SEMA3A: variants seen among roughly 807,000 people sequenced by gnomAD.
SEMA3A encodes semaphorin-3A.
SEMA3A carries 29 observed loss-of-function variants against 97.9 expected under a neutral mutation model. That is an observed-to-expected ratio of 0.30 (90% confidence interval 0.22 to 0.40). The LOEUF (loss-of-function observed/expected upper bound fraction) is 0.40. Among genes scored for constraint, SEMA3A ranks in the 10% least tolerant of loss-of-function variants. SEMA3A has a pLI of 1.00. For missense variants in SEMA3A, 763 were observed against 951.3 expected (o/e 0.80, Z 2.60); for synonymous variants, 321 against 323.7 (o/e 0.99, Z 0.09).
At chr7:84,000,038 A>ATTTAATACATGTTGG (rs1262273618) in intron 12 of SEMA3A, among the ~76,000 whole-genome samples, 9 of 152,076 alleles carry the variant, frequency 5.9e-5, no homozygotes. Context: ...TCATTCACTC[A>ATTTAATACATGTTGG]TTTAATACAT....
intron 4 of SEMA3A, among the ~76,000 whole-genome samples, chr7:84,077,901 T>G (rs3801610): frequency 0.13 from 19,172 of 151,858 alleles, 1,278 homozygotes; most frequent in South Asian, 0.15. Flanking sequence ...ACTGAAAAAT[T>G]TTAATGCCAG....
chr7:84,491,348 A>C (rs1806725318), intron 1 of SEMA3A, among the ~76,000 whole-genome samples: 1 of 152,166 alleles, frequency 6.6e-6, no homozygotes, highest in Non-Finnish European at 1.5e-5. Flanking sequence ...TAAATTTAAA[A>C]AGATCAACTC....
At chr7:83,989,803 C>T (rs1789820190) in intron 12 of SEMA3A, among the ~76,000 whole-genome samples, 1 of 149,594 alleles carries the variant, frequency 6.7e-6, no homozygotes, top group African/African-American at 2.5e-5. Flanking sequence ...TTTATAGCAG[C>T]ATGATTTATA....
At chr7:84,470,132 T>C (rs1281724984) in intron 1 of SEMA3A, among the ~76,000 whole-genome samples, 2 of 151,930 alleles carry the variant, frequency 1.3e-5, no homozygotes, top group Non-Finnish European at 2.9e-5. Flanking sequence ...TAACAAAGAA[T>C]GAAAAGGAGA....
At chr7:84,358,228 C>T (rs867404936) in intron 2 of SEMA3A, among the ~76,000 whole-genome samples, 22 of 152,062 alleles carry the variant, frequency 1.4e-4, no homozygotes, top group Admixed American at 7.2e-4. Context: ...ATGTCCTGAA[C>T]GGTATTGCCT....
chr7:84,484,476 G>A (rs1016814819), intron 1 of SEMA3A, among the ~76,000 whole-genome samples: 1 of 151,560 alleles, frequency 6.6e-6, no homozygotes, highest in African/African-American at 2.4e-5. Context: ...TATCACTGTG[G>A]AGTATCTAAT....
At chr7:84,312,595 C>A (rs1469249189) in intron 2 of SEMA3A, among the ~76,000 whole-genome samples, 1 of 150,214 alleles carries the variant, frequency 6.7e-6, no homozygotes, top group Non-Finnish European at 1.5e-5. Context: ...GTATATATAC[C>A]TTATGAAACA....
At chr7:84,095,704 G>A (rs1794753904) in intron 4 of SEMA3A, among the ~76,000 whole-genome samples, 1 of 151,214 alleles carries the variant, frequency 6.6e-6, no homozygotes, top group Admixed American at 6.6e-5. Flanking sequence ...TGAATGCAGA[G>A]GTGTGAGTGT....
At position 84,005,354 on chromosome 7, in the gene SEMA3A, T is replaced by A; in HGVS notation, c.1345A>T (p.Met449Leu). ...VDAEDGQYDVMFIGTDVGTVL... is the reference protein window; with the variant it reads ...VDAEDGQYDVLFIGTDVGTVL... ...AAAAATTTACCTGTTCCGATAAACA[T>A]AACATCATACTGTCCATCTTCTGCA... The change falls in exon 11 of 17, where the codon ATG becomes TTG. Residue 449 changes from methionine to leucine, a missense_variant. By Grantham distance (15) the Met-to-Leu change is conservative. Coordinates refer to ENST00000265362, the MANE Select transcript of SEMA3A (RefSeq NM_006080.3). The A allele has an allele frequency of 1.9e-6, 3 of 1,612,450 alleles. No homozygotes were observed. The highest frequency in any genetic ancestry group is 2.5e-6 in the Non-Finnish European group (3 of 1,178,588).
intron 1 of SEMA3A, among the ~76,000 whole-genome samples, chr7:84,427,770 T>G: frequency 6.6e-6 from 1 of 151,404 alleles, no homozygotes; most frequent in East Asian, 1.9e-4. Flanking sequence ...GAATGGGGAA[T>G]AATAAATACA....
chr7:84,367,987 T>C (rs908709633), intron 2 of SEMA3A, among the ~76,000 whole-genome samples: 8 of 151,218 alleles, frequency 5.3e-5, no homozygotes, highest in Admixed American at 1.3e-4. Context: ...TGCTAATTAC[T>C]AAATATAGAA....
chr7:84,482,460 A>G (rs1806471367), intron 1 of SEMA3A, among the ~76,000 whole-genome samples: 1 of 152,216 alleles, frequency 6.6e-6, no homozygotes, highest in South Asian at 2.1e-4. Flanking sequence ...AATCAATAGC[A>G]TTGGCAATAA....
chr7:84,062,228 G>C (rs1044208541), intron 4 of SEMA3A, among the ~76,000 whole-genome samples: 5 of 152,068 alleles, frequency 3.3e-5, no homozygotes, highest in Non-Finnish European at 7.4e-5. Context: ...TAGTGTCAAA[G>C]AAATATTACA....
intron 1 of SEMA3A, among the ~76,000 whole-genome samples, chr7:84,150,357 C>G (rs953599135): frequency 3.3e-5 from 5 of 152,136 alleles, no homozygotes; most frequent in South Asian, 4.1e-4. Context: ...GAGTGCCAGA[C>G]AGTGGGCGCA....
intron 1 of SEMA3A, among the ~76,000 whole-genome samples, chr7:84,435,690 G>A (rs1471530427): frequency 4.6e-5 from 7 of 152,002 alleles, no homozygotes; most frequent in African/African-American, 1.2e-4. Flanking sequence ...AAACAAATGC[G>A]AAAACATTCC....
intron 1 of SEMA3A, among the ~76,000 whole-genome samples, chr7:84,467,006 T>A (rs1451531199): frequency 1.3e-5 from 2 of 152,198 alleles, no homozygotes; most frequent in Non-Finnish European, 2.9e-5. Flanking sequence ...CCCTCATACA[T>A]CTGCATGTGA....
At chr7:84,135,182 T>C (rs998242438) in intron 1 of SEMA3A, among the ~76,000 whole-genome samples, 3 of 151,048 alleles carry the variant, frequency 2.0e-5, no homozygotes, top group African/African-American at 7.3e-5. Flanking sequence ...AATGGCGGGA[T>C]CTCGGTTCAC....
Position 84,403,896 on chromosome 7 carries a change from G to A in SEMA3A, c.-245-31996C>T, listed in dbSNP as rs368974972. Among the ~76,000 whole-genome samples, 35 of 152,182 alleles carry A rather than the reference G, an allele frequency of 2.3e-4. 2 individuals carry two copies. Among genetic ancestry groups the A allele is most frequent in the South Asian group, 8.3e-4 (4 of 4,822 alleles). On this transcript the variant is annotated intron_variant, in intron 1 of 3. Transcript: ENST00000424555. ...ATCCACACCAAAAACCCATCTGTAG[G>A]TCACCATCATCAAAGACCAAAGGTA... is the stretch of plus-strand genomic sequence containing the variant.
chr7:84,340,897 T>G (rs1802150993), intron 2 of SEMA3A, among the ~76,000 whole-genome samples: 1 of 152,290 alleles, frequency 6.6e-6, no homozygotes, highest in South Asian at 2.1e-4. Flanking sequence ...GATAGATTTA[T>G]ATTTTTGGAG....
Sources: allele counts gnomAD v4.1 joint callset (sites outside exome capture counted in the v4.1 genomes callset), GRCh38; gene constraint gnomAD v4.1.1; transcripts MANE v1.5; gene names NCBI Gene and HGNC (gene_info 2026-07-23, HGNC 2026-07-21).